SLC44A5: variants seen among roughly 807,000 people sequenced by gnomAD.
The protein encoded by SLC44A5 is solute carrier family 44 member 5.
SLC44A5 carries 57 observed loss-of-function variants against 101.8 expected under a neutral mutation model. The ratio of observed to expected loss-of-function variants is 0.56; its 90% CI spans 0.45 to 0.70. The LOEUF (loss-of-function observed/expected upper bound fraction) is 0.70, where lower values mean the gene tolerates loss of function less well. Among genes scored for constraint, SLC44A5 ranks in the 30% least tolerant of loss-of-function variants. The pLI is 0.00. For synonymous variants in SLC44A5, 281 were observed against 290.9 expected, an observed-to-expected ratio of 0.97 and a Z score of 0.35; for missense variants, 737 against 853.1, an observed-to-expected ratio of 0.86 and a Z score of 1.70.
chr1:75,521,404 ACTT>A (rs976087433), intron 2 of SLC44A5, among the ~76,000 whole-genome samples: 3 of 152,054 alleles, frequency 2.0e-5, no homozygotes, highest in South Asian at 2.1e-4. Flanking sequence ...AAAAATCACA[ACTT>A]CTTCAGGTTT....
chr1:75,661,717 T>C, the SLC44A5 span, among the ~76,000 whole-genome samples: 2 of 152,134 alleles, frequency 1.3e-5, no homozygotes, highest in Non-Finnish European at 2.9e-5. Context: ...AAAGGAGACA[T>C]ACAAATGTTC....
intron 3 of SLC44A5, among the ~76,000 whole-genome samples, chr1:75,394,106 T>C (rs1162566059): frequency 6.6e-6 from 1 of 152,052 alleles, no homozygotes; most frequent in Admixed American, 6.6e-5. Context: ...ACTTTAAGTG[T>C]GAGCGACTGG....
chr1:75,519,031 A>G (rs1283477565), intron 2 of SLC44A5, among the ~76,000 whole-genome samples: 1 of 152,200 alleles, frequency 6.6e-6, no homozygotes, highest in African/African-American at 2.4e-5. Context: ...GCCGTTTAGA[A>G]TACTTTAAAG....
chr1:75,614,301 G>C (rs1675775361), upstream of SLC44A5, among the ~76,000 whole-genome samples: 1 of 152,152 alleles, frequency 6.6e-6, no homozygotes, highest in Non-Finnish European at 1.5e-5. Flanking sequence ...TTTATGGAGG[G>C]GGGGAATCAG....
At chr1:75,476,147 C>A (rs995067513) in intron 2 of SLC44A5, among the ~76,000 whole-genome samples, 5 of 151,946 alleles carry the variant, frequency 3.3e-5, no homozygotes, top group African/African-American at 1.2e-4. Flanking sequence ...CAGGCCACTG[C>A]ACTCCAGCCT....
In SLC44A5 at chr1:75,398,968, A is replaced by G. The variant is rs1662304344; in HGVS notation, c.14-2347T>C. ...ATCTAGTATAGTAAATTTAGAATGA[A>G]GTTTCAGACTAGGAGCCAAAAGAGT... On this transcript the variant is annotated intron_variant, in intron 2 of 23. Coordinates refer to ENST00000370859, the MANE Select transcript of SLC44A5 (RefSeq NM_001130058.2). 2.6e-5 allele frequency among the ~76,000 whole-genome samples: 4 copies of G among 151,988 alleles called. No individual in the cohort carries two copies. In the South Asian group the frequency reaches 8.3e-4, roughly 32 times the overall value.
intron 2 of SLC44A5, among the ~76,000 whole-genome samples, chr1:75,484,755 C>G (rs1668065323): frequency 6.6e-6 from 1 of 152,272 alleles, no homozygotes; most frequent in African/African-American, 2.4e-5. Flanking sequence ...TGTTTCCATA[C>G]ATCCTTTGAA....
intron 2 of SLC44A5, among the ~76,000 whole-genome samples, chr1:75,511,847 G>T (rs1669586287): frequency 6.6e-6 from 1 of 152,162 alleles, no homozygotes; most frequent in Admixed American, 6.5e-5. Flanking sequence ...CGCCATTAGG[G>T]TCAAGCCAGA....
At chr1:75,694,562 C>A in the SLC44A5 span, among the ~76,000 whole-genome samples, 1 of 151,886 alleles carries the variant, frequency 6.6e-6, no homozygotes, top group East Asian at 1.9e-4. Flanking sequence ...ACTGCTATGT[C>A]CCCGTTAGAT....
chr1:75,525,274 A>G (rs1670348061), intron 2 of SLC44A5, among the ~76,000 whole-genome samples: 1 of 152,202 alleles, frequency 6.6e-6, no homozygotes, highest in Non-Finnish European at 1.5e-5. Context: ...CAACAAAGTG[A>G]TCAAATTTAA....
chr1:75,359,393 C>A (rs1186397591), intron 3 of SLC44A5, among the ~76,000 whole-genome samples: 1 of 150,688 alleles, frequency 6.6e-6, no homozygotes, highest in African/African-American at 2.4e-5. Flanking sequence ...TGCCACCACG[C>A]TGGCTAATTT....
Position 75,476,508 on chromosome 1 carries a change from G to T in SLC44A5, c.13+64927C>A, listed in dbSNP as rs1432305640. Among the ~76,000 whole-genome samples, 16 of 152,290 alleles carry T rather than the reference G, an allele frequency of 1.1e-4. No homozygotes were observed. The East Asian group carries it at 3.1e-3, about 30-fold the overall frequency. ...GTTCTCTTTCCTAGTCAAAGAAAGG[G>T]GTGACAGACGGCACCTGGAAAATCA... On this transcript the variant is annotated intron_variant, in intron 2 of 23. Coordinates refer to ENST00000370859, the MANE Select transcript of SLC44A5 (RefSeq NM_001130058.2).
chr1:75,490,898 C>T (rs1668390478), intron 2 of SLC44A5, among the ~76,000 whole-genome samples: 1 of 151,696 alleles, frequency 6.6e-6, no homozygotes. Context: ...ACTTATTCTG[C>T]TTATTATTAA....
At chr1:75,454,092 C>T (rs917260727) in intron 2 of SLC44A5, among the ~76,000 whole-genome samples, 16 of 151,682 alleles carry the variant, frequency 1.1e-4, no homozygotes, top group Admixed American at 6.6e-5. Flanking sequence ...GAGGACACAA[C>T]GAAAAAAGAA....
In SLC44A5 at chr1:75,378,838, G is replaced by A. The variant is rs1286134783; in HGVS notation, c.52+17745C>T. 8.6e-5 allele frequency among the ~76,000 whole-genome samples: 7 copies of A among 81,168 alleles called. 3 individuals are homozygous for A. The highest frequency in any genetic ancestry group is 1.5e-4 in the Non-Finnish European group (7 of 47,576). 53.2% of individuals were successfully genotyped at this position (81,168 alleles called of 152,430 possible). A position where few individuals can be genotyped will look rare whatever the true frequency, so the allele number is the denominator to read the frequency against. On this transcript the variant is annotated intron_variant, in intron 3 of 23. Coordinates refer to ENST00000370859, the MANE Select transcript of SLC44A5 (RefSeq NM_001130058.2). ...CGCCAGTAGCTTATCAATACTGGCC[G>A]CCGGCTGAACTTCAGTATCGGCCAC...
intron 4 of SLC44A5, among the ~76,000 whole-genome samples, chr1:75,302,124 T>TTTTTTTTTTTTTG (rs1654529349): frequency 7.1e-6 from 1 of 140,196 alleles, no homozygotes; most frequent in African/African-American, 2.7e-5. Flanking sequence ...TTTTTTTTTT[T>TTTTTTTTTTTTTG]TTTTTTTTTT....
chr1:75,556,294 T>C (rs770932603), intron 1 of SLC44A5, among the ~76,000 whole-genome samples: 3 of 152,128 alleles, frequency 2.0e-5, no homozygotes, highest in Non-Finnish European at 4.4e-5. Flanking sequence ...TATGTGCAGT[T>C]TACTGTAGCC....
intron 2 of SLC44A5, among the ~76,000 whole-genome samples, chr1:75,523,646 CA>C (rs1326567540): frequency 6.6e-6 from 1 of 152,214 alleles, no homozygotes; most frequent in Non-Finnish European, 1.5e-5. Flanking sequence ...AACAAAAACA[CA>C]ACAACTTAAG....
rs761231752 is a variant in SLC44A5 at position 75,222,422 on chromosome 1, T to C, written c.1024A>G (p.Met342Val). The C allele has an allele frequency of 6.2e-7, 1 of 1,613,518 alleles. No individual in the cohort carries two copies. Among genetic ancestry groups the C allele is most frequent in the Non-Finnish European group, 8.5e-7 (1 of 1,179,810 alleles). Residue 342 changes from methionine (M) to valine (V), a missense_variant, in exon 14 of 24, where the codon ATG becomes GTG. This residue lies in a region of SLC44A5 where 665 missense variants were observed against 764.4 expected (regional missense o/e 0.87). Coordinates refer to ENST00000370859, the MANE Select transcript of SLC44A5 (RefSeq NM_001130058.2). Reference protein sequence around the residue: ...LCIIEVIVILMLIFLRNRIRV... With the variant: ...LCIIEVIVILVLIFLRNRIRV... The stretch of plus-strand genomic sequence containing the variant: ...ATTCGATTCCTGAGGAAGATCAGCA[T>C]GAGGATGACAATCACTTCAATGATG...
Sources: allele counts gnomAD v4.1 joint callset (sites outside exome capture counted in the v4.1 genomes callset), GRCh38; gene constraint gnomAD v4.1.1; regional missense constraint gnomAD v4.1.1; transcripts MANE v1.5; gene names NCBI Gene and HGNC (gene_info 2026-07-23, HGNC 2026-07-21).